SCN11A: variants seen among roughly 807,000 people sequenced by gnomAD.
The protein encoded by SCN11A is sodium voltage-gated channel alpha subunit 11.
A neutral mutation model predicts 162.2 loss-of-function variants in SCN11A; 122 were observed. The observed-to-expected ratio is 0.75, with a 90% CI of 0.65 to 0.87. The LOEUF (loss-of-function observed/expected upper bound fraction) is 0.87, where lower values mean the gene tolerates loss of function less well. Ranked by LOEUF, SCN11A falls within the 40% of genes least tolerant of loss-of-function variation. The probability of loss-of-function intolerance (pLI) is 0.00; values close to 1 mark genes in which losing one functional copy is unlikely to be tolerated. For synonymous variants in SCN11A, 758 were observed against 751.5 expected, an observed-to-expected ratio of 1.01 and a Z score of -0.14; for missense variants, 2,015 against 2,181.6, an observed-to-expected ratio of 0.92 and a Z score of 1.52.
intron 2 of SCN11A, among the ~76,000 whole-genome samples, chr3:39,010,540 G>A (rs902005371): frequency 7.2e-5 from 11 of 151,974 alleles, no homozygotes; most frequent in East Asian, 3.9e-4. Flanking sequence ...CACCATGCCC[G>A]GCTAATTTTT....
At chr3:38,980,030 C>T (rs980529546) in intron 2 of SCN11A, among the ~76,000 whole-genome samples, 5 of 152,180 alleles carry the variant, frequency 3.3e-5, no homozygotes, top group Admixed American at 3.3e-4. Context: ...GTATGGCCCA[C>T]ATCACACCCA....
intron 2 of SCN11A, among the ~76,000 whole-genome samples, chr3:38,998,724 G>T (rs964717869): frequency 3.3e-5 from 5 of 150,430 alleles, no homozygotes; most frequent in African/African-American, 7.3e-5. Flanking sequence ...ATACTATGCA[G>T]CCATAAAAAC....
At chr3:38,883,137 T>C in intron 22 of SCN11A, 96 bp downstream of exon 22, 1 of 1,063,210 alleles carries the variant, frequency 9.4e-7, no homozygotes, top group Non-Finnish European at 1.4e-6. Flanking sequence ...TTCTGTCTGG[T>C]CTCCCATATT....
intron 2 of SCN11A, among the ~76,000 whole-genome samples, chr3:38,968,453 T>C (rs2066796414): frequency 6.6e-6 from 1 of 152,206 alleles, no homozygotes; most frequent in Admixed American, 6.5e-5. Context: ...TATAGCAATG[T>C]TTTAAAAATT....
At position 38,847,319 on chromosome 3, in the gene SCN11A, A is replaced by C. The variant is rs761680198; in HGVS notation, c.4751T>G (p.Phe1584Cys). The C allele has an allele frequency of 6.2e-7, 1 of 1,614,226 alleles. No homozygotes were observed. Among genetic ancestry groups the C allele is most frequent in the South Asian group, 1.1e-5 (1 of 91,084 alleles). ...AAAGGAGATGATAATGTAACTGACA[A>C]AGTAGGATGTGGCTATGCCAGGGAG... The part of the protein sequence containing the change: ...CHLPGIATSY[F>C]VSYIIISFLI... Residue 1584 changes from phenylalanine (F) to cysteine (C), a missense_variant, in exon 30 of 30, where the codon TTT (phenylalanine) becomes TGT (cysteine). Physicochemically the swap from Phe to Cys is radical, Grantham distance 205. Coordinates refer to ENST00000302328, the MANE Select transcript of SCN11A (RefSeq NM_001349253.2).
At position 38,925,492 on chromosome 3, in the gene SCN11A, G is replaced by C; in HGVS notation, c.635C>G (p.Pro212Arg). The part of the protein sequence containing the change: ...VIGIAIVSYI[P>R]GITIKLLPLR... ...GGGCAATAGTTTGATGGTGATTCCTGGAATATATGACACAATCCTACAAGA... is the reference window on the plus strand; with the variant it reads ...GGGCAATAGTTTGATGGTGATTCCTCGAATATATGACACAATCCTACAAGA... The change falls in exon 9 of 30, where the codon CCA becomes CGA. Residue 212 changes from proline to arginine, a missense_variant. Pro to Arg is a moderately radical substitution (Grantham distance 103). Coordinates refer to ENST00000302328, the MANE Select transcript of SCN11A (RefSeq NM_001349253.2). 4 of 1,612,614 alleles carry C rather than the reference G, an allele frequency of 2.5e-6. No homozygotes were observed. The highest frequency in any genetic ancestry group is 2.5e-6 in the Non-Finnish European group (3 of 1,178,674).
intron 2 of SCN11A, among the ~76,000 whole-genome samples, chr3:38,996,229 A>G (rs2030628050): frequency 6.6e-6 from 1 of 152,204 alleles, no homozygotes; most frequent in African/African-American, 2.4e-5. Context: ...ATATAAATGT[A>G]CAGAAAGGGT....
chr3:38,885,231 G>C, intron 21 of SCN11A, 57 bp downstream of exon 21: 1 of 999,230 alleles, frequency 1.0e-6, no homozygotes, highest in Non-Finnish European at 1.6e-6. Context: ...CTTCAAAGAA[G>C]AACAGAAACC....
chr3:38,907,853 G>A (rs547296171), intron 14 of SCN11A, 96 bp downstream of exon 14: 89 of 1,057,640 alleles, frequency 8.4e-5, no homozygotes, highest in Non-Finnish European at 1.2e-4. Flanking sequence ...GAATAAATGA[G>A]TAACTGAATA....
At chr3:39,012,482 CTT>C (rs1224778572) in intron 2 of SCN11A, among the ~76,000 whole-genome samples, 11 of 123,392 alleles carry the variant, frequency 8.9e-5, no homozygotes, top group African/African-American at 2.0e-4. Context: ...CTCTTTCTCT[CTT>C]TCTTTTTTTT....
At chr3:38,962,570 G>A (rs571286081) in intron 2 of SCN11A, among the ~76,000 whole-genome samples, 10 of 152,054 alleles carry the variant, frequency 6.6e-5, no homozygotes, top group Non-Finnish European at 1.2e-4. Context: ...TGGGCTAAGG[G>A]CTGGATGCGT....
At chr3:38,941,293 C>T (rs1197868778) in intron 7 of SCN11A, among the ~76,000 whole-genome samples, 1 of 152,152 alleles carries the variant, frequency 6.6e-6, no homozygotes, top group East Asian at 1.9e-4. Context: ...AGCACTGATT[C>T]TATATACAAT....
chr3:39,043,981 T>C (rs1223789055), intron 1 of SCN11A, among the ~76,000 whole-genome samples: 1 of 152,080 alleles, frequency 6.6e-6, no homozygotes, highest in Non-Finnish European at 1.5e-5. Context: ...ATACACCTAC[T>C]ATGTACCCAC....
chr3:38,944,843 A>G (rs1032207638), intron 7 of SCN11A, among the ~76,000 whole-genome samples: 2 of 151,868 alleles, frequency 1.3e-5, no homozygotes, highest in African/African-American at 2.4e-5. Flanking sequence ...GGCGTCTGTA[A>G]TCCCAGCTAC....
intron 2 of SCN11A, among the ~76,000 whole-genome samples, chr3:38,968,571 A>G (rs1392754060): frequency 6.6e-6 from 1 of 152,122 alleles, no homozygotes; most frequent in African/African-American, 2.4e-5. Flanking sequence ...GAAAACACAC[A>G]TGCCTCCCCC....
At chr3:39,007,780 A>C (rs2031017484) in intron 2 of SCN11A, among the ~76,000 whole-genome samples, 1 of 152,204 alleles carries the variant, frequency 6.6e-6, no homozygotes. Flanking sequence ...AAGTGTAGGT[A>C]AAGTGTTTTC....
intron 1 of SCN11A, among the ~76,000 whole-genome samples, chr3:39,047,689 A>C (rs1394559048): frequency 6.6e-6 from 1 of 151,516 alleles, no homozygotes; most frequent in Non-Finnish European, 1.5e-5. Context: ...AGCAAAAAAA[A>C]CCCAAATAAT....
intron 14 of SCN11A, among the ~76,000 whole-genome samples, chr3:38,906,396 C>A (rs1489972740): frequency 6.6e-6 from 1 of 152,104 alleles, no homozygotes; most frequent in Non-Finnish European, 1.5e-5. Context: ...TAATCAACAT[C>A]CCTGCTTGGA....
intron 2 of SCN11A, among the ~76,000 whole-genome samples, chr3:38,979,978 T>A (rs2029957006): frequency 1.3e-5 from 2 of 152,184 alleles, no homozygotes; most frequent in Non-Finnish European, 2.9e-5. Context: ...CCGCTTGTTG[T>A]TCTGTGGTCA....
Sources: gnomAD v4.1 joint callset for allele counts (sites outside exome capture counted in the v4.1 genomes callset) on GRCh38, gnomAD v4.1.1 for gene constraint, MANE v1.5 for transcripts, NCBI Gene and HGNC (gene_info 2026-07-23, HGNC 2026-07-21) for gene names.